Variants in ARRDC3 observed in about 807,000 individuals in gnomAD.
The protein encoded by ARRDC3 is arrestin domain containing 3.
In ARRDC3, 10 loss-of-function variants were observed where a neutral mutation model predicts 47.2. That is an observed-to-expected ratio of 0.21 (90% CI 0.13 to 0.36). The LOEUF (loss-of-function observed/expected upper bound fraction) is 0.36, where lower values mean the gene tolerates loss of function less well. Among genes scored for constraint, ARRDC3 ranks in the 10% least tolerant of loss-of-function variants. The pLI is 1.00. For missense variants in ARRDC3, 381 were observed against 503.6 expected, an observed-to-expected ratio of 0.76 and a Z score of 2.33; for synonymous variants, 156 against 178.3, an observed-to-expected ratio of 0.87 and a Z score of 1.00.
intron 1 of ARRDC3, among the ~76,000 whole-genome samples, chr5:91,379,060 T>C (rs1799374983): frequency 6.6e-6 from 1 of 152,086 alleles, no homozygotes; most frequent in Non-Finnish European, 1.5e-5. Context: ...AGCATCTGTT[T>C]ATAAAATAGT....
rs200803728 is a variant in ARRDC3 at position 91,376,733 on chromosome 5, C to T, written c.398G>A (p.Ser133Asn). The T allele has an allele frequency of 6.6e-5, 106 of 1,613,760 alleles. No individual in the cohort carries two copies. The highest frequency in any genetic ancestry group is 8.6e-5 in the Non-Finnish European group (102 of 1,179,896). ...LATSFEGRHG[S>N]VRYWVKAELH... ...TTCGGCTTTCACCCAATAGCGCACA[C>T]TGCCATGTCGGCCTTCGAATGAGGT... The change falls in exon 3 of 8, where the codon AGT (serine) becomes AAT (asparagine). Residue 133 changes from serine to asparagine, a missense_variant. Transcript: ENST00000265138.
intron 2 of ARRDC3, 76 bp downstream of exon 2, chr5:91,378,618 A>G: frequency 1.1e-6 from 1 of 869,820 alleles, no homozygotes; most frequent in Non-Finnish European, 1.7e-6. Flanking sequence ...AAATGTTTAA[A>G]TTTAGAATAC....
At chr5:91,379,720 G>A (rs1364142699) in intron 1 of ARRDC3, among the ~76,000 whole-genome samples, 2 of 151,904 alleles carry the variant, frequency 1.3e-5, no homozygotes, top group Non-Finnish European at 2.9e-5. Flanking sequence ...ATCTTTTAAA[G>A]TTTTCTTGGT....
intron 1 of ARRDC3, chr5:91,379,867 T>C (rs1799401744): frequency 6.6e-6 from 1 of 152,176 alleles, no homozygotes; most frequent in African/African-American, 2.4e-5. Context: ...GAAAAAAGCA[T>C]GTATACGTCG....
chr5:91,382,013 C>T (rs1163859210), intron 1 of ARRDC3, among the ~76,000 whole-genome samples: 3 of 152,304 alleles, frequency 2.0e-5, no homozygotes, highest in East Asian at 3.9e-4. Context: ...TTTTGACAAC[C>T]CTTTATCTCT....
At chr5:91,379,672 T>C (rs984097405) in intron 1 of ARRDC3, among the ~76,000 whole-genome samples, 1 of 152,152 alleles carries the variant, frequency 6.6e-6, no homozygotes, top group East Asian at 1.9e-4. Flanking sequence ...TCTAGATCAT[T>C]AAAGTGCCTA....
Position 91,383,087 on chromosome 5 carries a change from C to T in ARRDC3, c.6G>A (p.Val2=). Residue 2 remains valine (V), a synonymous_variant, in exon 1 of 8, where the codon GTG becomes GTA. Coordinates refer to ENST00000265138, the MANE Select transcript of ARRDC3 (RefSeq NM_020801.4). M[V]LGKVKSLTIS... is the part of the protein sequence containing the mutation. ...TTGTCAAACTCTTCACCTTTCCCAG[C>T]ACCATGTTTATAACAAAATCTATAA... 6.3e-7 allele frequency: 1 copy of T among 1,592,042 alleles called. No homozygotes were observed.
intron 1 of ARRDC3, among the ~76,000 whole-genome samples, chr5:91,382,120 T>G (rs761724546): frequency 1.9e-4 from 29 of 152,202 alleles, no homozygotes; most frequent in Non-Finnish European, 4.1e-4. Context: ...AAGTTAGACA[T>G]GATGCTCGGA....
intron 1 of ARRDC3, chr5:91,380,540 C>T (rs892619007): frequency 1.3e-5 from 2 of 152,378 alleles, no homozygotes; most frequent in Non-Finnish European, 2.9e-5. Flanking sequence ...GAATCACTTT[C>T]CTTCTTCCTC....
intron 1 of ARRDC3, among the ~76,000 whole-genome samples, chr5:91,382,012 C>A (rs1307985218): frequency 1.3e-5 from 2 of 152,198 alleles, no homozygotes; most frequent in Admixed American, 6.5e-5. Flanking sequence ...CTTTTGACAA[C>A]CCTTTATCTC....
intron 1 of ARRDC3, among the ~76,000 whole-genome samples, chr5:91,379,673 A>C (rs1224613172): frequency 6.6e-6 from 1 of 152,120 alleles, no homozygotes; most frequent in Non-Finnish European, 1.5e-5. Context: ...CTAGATCATT[A>C]AAGTGCCTAT....
At chr5:91,376,894 T>G (rs62376564) in intron 2 of ARRDC3, 126 bp from the exon 3 acceptor site, 256,846 of 921,282 alleles carry the variant, frequency 0.28, 38,268 homozygotes, top group Admixed American at 0.37. Flanking sequence ...AACATATAAT[T>G]TAAAAAATTT....
intron 5 of ARRDC3, 88 bp downstream of exon 5, chr5:91,374,834 T>G: frequency 2.9e-6 from 4 of 1,361,298 alleles, no homozygotes; most frequent in Non-Finnish European, 3.0e-6. Context: ...GTAGCGGAGC[T>G]GAGACTGTGC....
At chr5:91,377,420 T>C (rs1799330669) in intron 2 of ARRDC3, among the ~76,000 whole-genome samples, 1 of 151,962 alleles carries the variant, frequency 6.6e-6, no homozygotes, top group South Asian at 2.1e-4. Flanking sequence ...AAAAAAAAAT[T>C]TTTTTTAACT....
chr5:91,376,866 T>C (rs1799316293), intron 2 of ARRDC3, 98 bp from the exon 3 acceptor site: 39 of 1,159,240 alleles, frequency 3.4e-5, no homozygotes, highest in Non-Finnish European at 4.3e-5. Context: ...GTATTGTTTA[T>C]GTTCCAATGA....
At chr5:91,380,417 G>A (rs1289561698) in intron 1 of ARRDC3, 1 of 152,232 alleles carries the variant, frequency 6.6e-6, no homozygotes, top group Non-Finnish European at 1.5e-5. Flanking sequence ...GTTTCGGCAA[G>A]GGATATTGGG....
At chr5:91,374,806 G>A in intron 5 of ARRDC3, 116 bp downstream of exon 5, 7 of 1,063,690 alleles carry the variant, frequency 6.6e-6, no homozygotes, top group Non-Finnish European at 5.4e-6. Flanking sequence ...GATCACTGGA[G>A]CCCAGAAAGC....
chr5:91,383,144 G>A lies in ARRDC3; in HGVS notation c.-52C>T. ...AATGTAAGACAAAAAAGTCAAGATC[G>A]CATATAAAATGTGATCTTCACTTAA... On this transcript the variant is annotated 5_prime_UTR_variant, in exon 1 of 8. It introduces an in-frame stop codon into an upstream open reading frame of the 5' UTR. Coordinates refer to ENST00000265138, the MANE Select transcript of ARRDC3 (RefSeq NM_020801.4). 6.7e-7 allele frequency: 1 copy of A among 1,482,406 alleles called. No individual in the cohort carries two copies. Among genetic ancestry groups the A allele is most frequent in the Non-Finnish European group, 9.1e-7 (1 of 1,101,658 alleles). 91.8% of individuals were successfully genotyped at this position (1,482,406 alleles called of 1,614,324 possible). A position where few individuals can be genotyped will look rare whatever the true frequency, so the allele number is the denominator to read the frequency against.
In ARRDC3 at chr5:91,369,689, C is replaced by T. The variant is rs1028921504; in HGVS notation, c.*1711G>A. ...CAGGATAGATGTAACACCCATTTTA[C>T]ACGTATGTTGCAACATCAGAGATGC... On this transcript the variant is annotated 3_prime_UTR_variant, in exon 8 of 8. Coordinates refer to ENST00000265138, the MANE Select transcript of ARRDC3 (RefSeq NM_020801.4). 6.6e-6 allele frequency: 1 copy of T among 152,184 alleles called. No individual in the cohort carries two copies. The highest frequency in any genetic ancestry group is 2.4e-5 in the African/African-American group (1 of 41,430). The allele number at this position is 152,184 out of a possible 1,614,324, so 9.4% of individuals were successfully genotyped here.
Sources: allele counts gnomAD v4.1 joint callset (sites outside exome capture counted in the v4.1 genomes callset), GRCh38; gene constraint gnomAD v4.1.1; transcripts MANE v1.5; gene names NCBI Gene and HGNC (gene_info 2026-07-23, HGNC 2026-07-21).